The following RNF123 variants were observed in gnomAD, a reference collection of about 807,000 sequenced individuals.
RNF123 encodes the protein ring finger protein 123.
In RNF123, 86 loss-of-function variants were observed where a neutral mutation model predicts 168.5. The observed-to-expected ratio is 0.51, with a 90% confidence interval of 0.43 to 0.61. The LOEUF is 0.61. Among genes scored for constraint, RNF123 ranks in the 20% least tolerant of loss-of-function variants. The pLI is 0.00. For missense variants in RNF123, 1,419 were observed against 1,729.7 expected (o/e 0.82, Z 3.19); for synonymous variants, 666 against 689.1 (o/e 0.97, Z 0.52).
chr3:49,717,876 A>G lies in RNF123; in HGVS notation c.3500+1399A>G. ...ACAGTGCTTCCCACCAGTATCTGCC[A>G]GTTCTCTGGACCGAAGCAGGGAGCA... On this transcript the variant is annotated intron_variant, in intron 35 of 38. Coordinates refer to ENST00000327697, the MANE Select transcript of RNF123 (RefSeq NM_022064.5). 5 of 1,484,028 alleles carry G rather than the reference A, an allele frequency of 3.4e-6. No homozygotes were observed. The Admixed American group carries it at 7.7e-5, about 23-fold the overall frequency. 91.9% of individuals were successfully genotyped at this position (1,484,028 alleles called of 1,614,324 possible).
chr3:49,719,322 A>G (rs765192077), intron 35 of RNF123: 1 of 1,613,122 alleles, frequency 6.2e-7, no homozygotes, highest in Non-Finnish European at 8.5e-7. Flanking sequence ...GCCCTAGGCC[A>G]GTGCAGCTTA....
rs747369013 is a variant in RNF123 at position 49,718,485 on chromosome 3, G to A, written c.3500+2008G>A. On this transcript the variant is annotated intron_variant, in intron 35 of 38. Coordinates refer to ENST00000327697, the MANE Select transcript of RNF123 (RefSeq NM_022064.5). The stretch of plus-strand genomic sequence containing the variant: ...TGCCGTCGGCCAGCACCGCGATGCT[G>A]CCATCGCGGGATCCTGGCGCCCTGA... 9 of 1,612,938 alleles carry A rather than the reference G, an allele frequency of 5.6e-6. No homozygotes were observed. The African/African-American group carries it at 1.1e-4, about 19-fold the overall frequency.
intron 3 of RNF123, among the ~76,000 whole-genome samples, chr3:49,692,505 T>G (rs529817046): frequency 2.0e-5 from 3 of 152,352 alleles, no homozygotes; most frequent in Admixed American, 6.5e-5. Flanking sequence ...TTATACTCTT[T>G]TAGTTATTTT....
chr3:49,703,781 G>A (rs992799156), intron 21 of RNF123, among the ~76,000 whole-genome samples: 1 of 152,246 alleles, frequency 6.6e-6, no homozygotes, highest in Non-Finnish European at 1.5e-5. Flanking sequence ...TGTGGATGGG[G>A]CGTGCAGGTG....
In RNF123 at chr3:49,702,653, C is replaced by G. The variant is rs369187602; in HGVS notation, c.1650C>G (p.Pro550=). 1.3e-5 allele frequency: 21 copies of G among 1,614,126 alleles called. No homozygotes were observed. The highest frequency in any genetic ancestry group is 2.7e-5 in the African/African-American group (2 of 74,948). ...CACAGAACATGCCCATGCTCTGCCCCCCTGAGTACATGGTCTGCTTCTTAC... is the reference window on the plus strand; with the variant it reads ...CACAGAACATGCCCATGCTCTGCCCGCCTGAGTACATGGTCTGCTTCTTAC... The part of the protein sequence containing the change: ...SGRGNMPMLC[P]PEYMVCFLHR... Residue 550 remains proline (P), a synonymous_variant, in exon 20 of 39, where the codon CCC becomes CCG. Coordinates refer to ENST00000327697, the MANE Select transcript of RNF123 (RefSeq NM_022064.5).
Position 49,699,106 on chromosome 3 carries a change from A to G in RNF123, c.764+1A>G, listed in dbSNP as rs2054325178. The G allele has an allele frequency of 6.2e-7, 1 of 1,612,822 alleles. No individual in the cohort carries two copies. Among genetic ancestry groups the G allele is most frequent in the South Asian group, 1.1e-5 (1 of 91,046 alleles). ...TCAACTTTGGCAGCCGTCCTCTGCG[A>G]TATCATTTTGTGAAGATGGCTGTGG... On this transcript the variant is annotated splice_donor_variant, in intron 10 of 38. Coordinates refer to ENST00000327697, the MANE Select transcript of RNF123 (RefSeq NM_022064.5). LOFTEE classifies it high-confidence loss of function. The surrounding 1 kb of genome is among the most constrained non-coding windows in gnomAD (Gnocchi z 4.8).
At position 49,699,591 on chromosome 3, in the gene RNF123, G is replaced by C; in HGVS notation, c.879+9G>C. 1 of 1,613,078 alleles carries C rather than the reference G, an allele frequency of 6.2e-7. No homozygotes were observed. Among genetic ancestry groups the C allele is most frequent in the Non-Finnish European group, 8.5e-7 (1 of 1,179,592 alleles). ...TGGAGCTGGACCCTGTGGTGAGCTG[G>C]GGTCTGGGCCAGGCGGGGTGGGGGG... On this transcript the variant is annotated intron_variant, in intron 11 of 38. Transcript: ENST00000327697. The surrounding 1 kb of genome is among the most constrained non-coding windows in gnomAD (Gnocchi z 4.8).
intron 3 of RNF123, among the ~76,000 whole-genome samples, chr3:49,694,876 G>T (rs929513875): frequency 6.6e-6 from 1 of 152,050 alleles, no homozygotes; most frequent in Non-Finnish European, 1.5e-5. Context: ...TGCTGTGGCC[G>T]CCAGGAGAGA....
At chr3:49,717,518 C>G in intron 35 of RNF123, 1 of 199,968 alleles carries the variant, frequency 5.0e-6, no homozygotes, top group Non-Finnish European at 1.0e-5. Flanking sequence ...AGCTCTTGAG[C>G]ACCACTCCTC....
chr3:49,699,338 A>G lies in RNF123; in HGVS notation c.765-130A>G, dbSNP rs1187688960. The G allele has an allele frequency of 2.1e-6, 2 of 961,694 alleles. No individual in the cohort carries two copies. Among genetic ancestry groups the G allele is most frequent in the East Asian group, 2.6e-5 (1 of 37,854 alleles). 59.6% of individuals were successfully genotyped at this position (961,694 alleles called of 1,614,324 possible). ...ATGTGAAGCATCCTCCCTAGGGAGA[A>G]TAAGTGGGCAAGTTGTGATGCAAAC... On this transcript the variant is annotated intron_variant, in intron 10 of 38. Transcript: ENST00000327697. This position sits in a 1 kb window ranked among gnomAD's most constrained non-coding sequence, Gnocchi z 4.8.
At position 49,709,201 on chromosome 3, in the gene RNF123, G is replaced by A. The variant is rs1575533530; in HGVS notation, c.2496+2303G>A. On this transcript the variant is annotated intron_variant, in intron 26 of 38. Coordinates refer to ENST00000327697, the MANE Select transcript of RNF123 (RefSeq NM_022064.5). ...GGCTGGAGTGCAATGGCGCGATCTC[G>A]GCTCACGGCAGCCTCTGCCTCCCAG... Among the ~76,000 whole-genome samples the A allele has an allele frequency of 2.0e-5, 3 of 151,562 alleles. No individual in the cohort carries two copies. In the East Asian group the frequency reaches 5.8e-4, roughly 30 times the overall value.
rs1559680228 is a variant in RNF123 at position 49,706,034 on chromosome 3, C to T, written c.2357C>T (p.Thr786Ile). Reference sequence around the variant, plus strand: ...GAATACGCTATGGCTCTGAGGGACACAGAGGACAAGCTCCGCCGGTGCCCC... The same window carrying T: ...GAATACGCTATGGCTCTGAGGGACATAGAGGACAAGCTCCGCCGGTGCCCC... ...VNEYAMALRD[T>I]EDKLRRCPKR... The change falls in exon 25 of 39, where the codon ACA becomes ATA. Residue 786 changes from threonine (T) to isoleucine (I), a missense_variant. Around this residue, in one of 5 missense-constraint regions of RNF123, gnomAD observed 538 missense variants for 708.8 expected, o/e 0.76. Transcript: ENST00000327697. The T allele has an allele frequency of 6.2e-7, 1 of 1,614,188 alleles. No individual in the cohort carries two copies. The highest frequency in any genetic ancestry group is 8.5e-7 in the Non-Finnish European group (1 of 1,180,026).
At chr3:49,708,296 A>G (rs1031110019) in intron 26 of RNF123, among the ~76,000 whole-genome samples, 3 of 152,168 alleles carry the variant, frequency 2.0e-5, no homozygotes, top group Admixed American at 6.5e-5. Flanking sequence ...TGTTAAGTCT[A>G]TTCACATTGT....
intron 3 of RNF123, among the ~76,000 whole-genome samples, chr3:49,693,873 A>T (rs1221182436): frequency 6.6e-6 from 1 of 152,236 alleles, no homozygotes; most frequent in Non-Finnish European, 1.5e-5. Context: ...ATGCCTTTCC[A>T]TATGCCTGTT....
intron 34 of RNF123, 63 bp from the exon 35 acceptor site, chr3:49,716,330 G>T: frequency 6.4e-7 from 1 of 1,574,770 alleles, no homozygotes. Context: ...GCAGTGGGCA[G>T]GCCTGGAGCC....
chr3:49,705,040 G>C lies in RNF123; in HGVS notation c.2016G>C (p.Trp672Cys), dbSNP rs767395078. ...CACTGCCCCTGCCCCGGCCCGGCTG[G>C]CTCAGTTCTCCAACTTTGGGCCGAG... is the stretch of plus-strand genomic sequence containing the variant. ...GGPLPLPRPG[W>C]LSSPTLGRAN... Residue 672 changes from tryptophan (W) to cysteine (C), a missense_variant, in exon 23 of 39, where the codon TGG becomes TGC. Physicochemically the swap from Trp to Cys is radical, Grantham distance 215 (BLOSUM62 -2). Coordinates refer to ENST00000327697, the MANE Select transcript of RNF123 (RefSeq NM_022064.5). 1.6e-5 allele frequency: 25 copies of C among 1,610,688 alleles called. No homozygotes were observed. In the Admixed American group the frequency reaches 2.5e-4, roughly 16 times the overall value.
At chr3:49,698,329 G>T in intron 7 of RNF123, 111 bp from the exon 8 acceptor site, 5 of 1,020,368 alleles carry the variant, frequency 4.9e-6, no homozygotes, top group South Asian at 4.2e-5. Context: ...CTTTCCCTCA[G>T]ATCATCTGTT....
rs1333433643 is a variant in RNF123, at chr3:49,697,906, G to T, written c.364G>T (p.Gly122Cys). Reference sequence around the variant, plus strand: ...CCAGGTGATTGGACACAGCAACTTTGGCACCATCCGCTCTACCACATGCGT... The same window carrying T: ...CCAGGTGATTGGACACAGCAACTTTTGCACCATCCGCTCTACCACATGCGT... ...LLGVIGHSNFGTIRSTTCVYK... is the reference protein window; with the variant it reads ...LLGVIGHSNFCTIRSTTCVYK... Residue 122 changes from glycine to cysteine, a missense_variant, in exon 6 of 39, where the codon GGC (glycine) becomes TGC (cysteine). Transcript: ENST00000327697. 6 of 1,614,176 alleles carry T rather than the reference G, an allele frequency of 3.7e-6. No homozygotes were observed. The highest frequency in any genetic ancestry group is 5.1e-6 in the Non-Finnish European group (6 of 1,180,020).
intron 35 of RNF123, chr3:49,719,303 C>T (rs768883435): frequency 1.9e-5 from 30 of 1,613,002 alleles, no homozygotes; most frequent in Non-Finnish European, 2.5e-5. Context: ...TCGGCTGGCA[C>T]GTCCTGCAGC....
Sources: allele counts gnomAD v4.1 joint callset (sites outside exome capture counted in the v4.1 genomes callset), GRCh38; gene constraint gnomAD v4.1.1; regional missense constraint gnomAD v4.1.1; non-coding constraint Gnocchi (gnomAD v3.1); transcripts MANE v1.5; gene names NCBI Gene and HGNC (gene_info 2026-07-23, HGNC 2026-07-21).